CEP63: variants seen among roughly 807,000 people sequenced by gnomAD.
The protein encoded by CEP63 is centrosomal protein of 63 kDa.
CEP63 carries 84 observed loss-of-function variants against 89.1 expected under a neutral mutation model. The ratio of observed to expected loss-of-function variants is 0.94; its 90% CI spans 0.79 to 1.13. CEP63 has a LOEUF of 1.13. Ranked by LOEUF, CEP63 falls within the 50% of genes most tolerant of loss-of-function variation. The pLI is 0.00. For synonymous variants in CEP63, 267 were observed against 272.5 expected, an observed-to-expected ratio of 0.98 and a Z score of 0.20; for missense variants, 838 against 813.3, an observed-to-expected ratio of 1.03 and a Z score of -0.37.
the CEP63 span, among the ~76,000 whole-genome samples, chr3:134,772,658 C>T: frequency 6.6e-6 from 1 of 152,178 alleles, no homozygotes; most frequent in Admixed American, 6.5e-5. Context: ...TCTCTGCCAA[C>T]TGCACATGTG....
rs1304985004 is a variant in CEP63 at position 134,550,280 on chromosome 3, T to C, written c.1380+20T>C. Reference sequence around the variant, plus strand: ...CATAAGGTGAAGCCTGAACAAAACCTTTTTTAAATTTGAAATTTGTTTTAA... The same window carrying C: ...CATAAGGTGAAGCCTGAACAAAACCCTTTTTAAATTTGAAATTTGTTTTAA... On this transcript the variant is annotated intron_variant, in intron 11 of 14. Transcript: ENST00000675561. The C allele has an allele frequency of 6.2e-7, 1 of 1,606,468 alleles. No individual in the cohort carries two copies. The highest frequency in any genetic ancestry group is 1.7e-5 in the Admixed American group (1 of 59,368).
chr3:134,665,378 C>T, the CEP63 span, among the ~76,000 whole-genome samples: 2 of 152,180 alleles, frequency 1.3e-5, no homozygotes, highest in East Asian at 3.9e-4. Flanking sequence ...GGCTGTTGCA[C>T]AAGCAAGGTG....
chr3:134,742,095 G>A, the CEP63 span, among the ~76,000 whole-genome samples: 82 of 152,102 alleles, frequency 5.4e-4, no homozygotes, highest in African/African-American at 1.7e-3. Context: ...GACAATAGGA[G>A]GCCTAGGGCA....
the CEP63 span, among the ~76,000 whole-genome samples, chr3:134,724,194 A>G: frequency 7.0e-3 from 1,073 of 152,284 alleles, 11 homozygotes; most frequent in African/African-American, 0.023. Context: ...GTGATTCTAC[A>G]TTTCTTACTG....
chr3:134,751,576 T>A, the CEP63 span, among the ~76,000 whole-genome samples: 1 of 152,064 alleles, frequency 6.6e-6, no homozygotes, highest in Admixed American at 6.5e-5. Context: ...GGCTGTGCTG[T>A]CACTGTTGGG....
At chr3:134,552,324 C>T (rs1955071990) in intron 12 of CEP63, 2 of 195,738 alleles carry the variant, frequency 1.0e-5, no homozygotes, top group Non-Finnish European at 2.1e-5. Context: ...CTGCCTCAGC[C>T]TCCTGAGTAA....
At chr3:134,496,039 G>T (rs1939786722) in intron 2 of CEP63, among the ~76,000 whole-genome samples, 1 of 152,150 alleles carries the variant, frequency 6.6e-6, no homozygotes, top group African/African-American at 2.4e-5. Flanking sequence ...AAACATGGGG[G>T]TACAAGTATC....
the CEP63 span, among the ~76,000 whole-genome samples, chr3:134,688,776 T>C: frequency 2.0e-5 from 3 of 152,204 alleles, no homozygotes; most frequent in Non-Finnish European, 4.4e-5. Flanking sequence ...GCAAGGCAAA[T>C]GGCTGAGACC....
the CEP63 span, chr3:134,603,913 A>G: frequency 8.1e-6 from 13 of 1,614,014 alleles, no homozygotes; most frequent in Non-Finnish European, 1.1e-5. Flanking sequence ...GTAATTAAAG[A>G]CGAAGATGTA....
chr3:134,674,859 A>G, the CEP63 span, among the ~76,000 whole-genome samples: 1 of 152,212 alleles, frequency 6.6e-6, no homozygotes, highest in Non-Finnish European at 1.5e-5. Context: ...AATATATTCA[A>G]CAGAAGAAGT....
chr3:134,546,163 A>G lies in CEP63; in HGVS notation c.804A>G (p.Glu268=). The change falls in exon 8 of 15, where the codon GAA becomes GAG. Residue 268 remains glutamate (E), a synonymous_variant. Transcript: ENST00000675561. ...SEKLLEALQE[E]KRELKAALQS... is the part of the protein sequence containing the mutation. ...CTTTTTTGCAGGCTCTGCAGGAAGAAAAGAGAGAATTGAAGGCAGCTCTTC... is the reference window on the plus strand; with the variant it reads ...CTTTTTTGCAGGCTCTGCAGGAAGAGAAGAGAGAATTGAAGGCAGCTCTTC... 6.2e-7 allele frequency: 1 copy of G among 1,613,906 alleles called. No individual in the cohort carries two copies. Among genetic ancestry groups the G allele is most frequent in the African/African-American group, 1.3e-5 (1 of 75,046 alleles).
chr3:134,736,204 G>A, the CEP63 span, among the ~76,000 whole-genome samples: 8 of 151,950 alleles, frequency 5.3e-5, no homozygotes, highest in South Asian at 2.1e-4. Context: ...AAAATCATAC[G>A]GAATATGTAT....
chr3:134,635,622 T>C, the CEP63 span, among the ~76,000 whole-genome samples: 134 of 152,106 alleles, frequency 8.8e-4, no homozygotes, highest in Middle Eastern at 3.4e-3. Flanking sequence ...CCGATGGTGG[T>C]GTATTCTGGA....
intron 11 of CEP63, among the ~76,000 whole-genome samples, chr3:134,573,470 G>A (rs534672622): frequency 6.6e-6 from 1 of 152,126 alleles, no homozygotes; most frequent in Admixed American, 6.5e-5. Context: ...TCTGCATATG[G>A]TTAGCCAGCT....
chr3:134,517,437 G>C (rs1047713657), intron 3 of CEP63, among the ~76,000 whole-genome samples: 1 of 152,124 alleles, frequency 6.6e-6, no homozygotes, highest in African/African-American at 2.4e-5. Flanking sequence ...ACAAACATAA[G>C]AATATAGATT....
At chr3:134,661,652 T>C in the CEP63 span, among the ~76,000 whole-genome samples, 1 of 152,062 alleles carries the variant, frequency 6.6e-6, no homozygotes, top group East Asian at 1.9e-4. Flanking sequence ...CACTCTCCTT[T>C]CTGGGAAGAT....
At chr3:134,603,731 G>T in the CEP63 span, 32 of 1,612,978 alleles carry the variant, frequency 2.0e-5, no homozygotes, top group African/African-American at 3.9e-4. Flanking sequence ...CATGTGTCCT[G>T]CCCCTTCACC....
the CEP63 span, among the ~76,000 whole-genome samples, chr3:134,721,796 TA>T: frequency 6.6e-6 from 1 of 152,184 alleles, no homozygotes; most frequent in East Asian, 1.9e-4. Flanking sequence ...TATGTTAAAC[TA>T]ATCTCCATTT....
chr3:134,625,008 A>G, the CEP63 span: 5 of 1,527,992 alleles, frequency 3.3e-6, no homozygotes, highest in Non-Finnish European at 4.5e-6. Flanking sequence ...TAGAACTCTA[A>G]GCCACCTTGA....
Sources: allele counts gnomAD v4.1 joint callset (sites outside exome capture counted in the v4.1 genomes callset), GRCh38; gene constraint gnomAD v4.1.1; transcripts MANE v1.5; gene names NCBI Gene and HGNC (gene_info 2026-07-23, HGNC 2026-07-21).